The following DOT1L variants were observed in gnomAD, a reference collection of about 807,000 sequenced individuals.
The protein encoded by DOT1L is histone-lysine N-methyltransferase, H3 lysine-79 specific.
A neutral mutation model predicts 153.3 loss-of-function variants in DOT1L; 33 were observed. The observed-to-expected ratio is 0.22, with a 90% CI of 0.16 to 0.29. DOT1L has a LOEUF of 0.29. Ranked by LOEUF, DOT1L falls within the 10% of genes least tolerant of loss-of-function variation. The probability of loss-of-function intolerance (pLI) is 1.00; values close to 1 mark genes in which losing one functional copy is unlikely to be tolerated. For missense variants in DOT1L, 1,847 were observed against 2,119.9 expected (o/e 0.87, Z 2.53); for synonymous variants, 1,135 against 965.1 (o/e 1.18, Z -3.26).
At chr19:2,186,909 C>T (rs1431044375) in intron 3 of DOT1L, among the ~76,000 whole-genome samples, 5 of 152,212 alleles carry the variant, frequency 3.3e-5, no homozygotes, top group African/African-American at 1.2e-4. Context: ...ATGCAGCGTG[C>T]AGATCAACAG....
At chr19:2,196,000 C>T (rs953986616) in intron 7 of DOT1L, among the ~76,000 whole-genome samples, 8 of 152,226 alleles carry the variant, frequency 5.3e-5, no homozygotes, top group African/African-American at 1.7e-4. Flanking sequence ...GCTGTGTGCC[C>T]GCCCGTCTGC....
rs1230704457 is a variant in DOT1L at position 2,222,212 on chromosome 19, G to T, written c.3043G>T (p.Ala1015Ser). Residue 1015 changes from alanine to serine, a missense_variant, in exon 24 of 28, where the codon GCC becomes TCC. Physicochemically the swap from Ala to Ser is moderately conservative, Grantham distance 99. Around this residue, in one of 8 missense-constraint regions of DOT1L, gnomAD observed 934 missense variants for 825.3 expected, o/e 1.13. Coordinates refer to ENST00000398665, the MANE Select transcript of DOT1L (RefSeq NM_032482.3). This position sits in a 1 kb window ranked among gnomAD's most constrained non-coding sequence, Gnocchi z 6.5. ...QLSSSPRLGG[A>S]AQGPLPEASK... ...CTCCTCCAGTCCCCGGCTTGGTGGG[G>T]CCGCCCAGGGCCCGTTGCCCGAGGC... The T allele has an allele frequency of 1.2e-6, 2 of 1,612,934 alleles. No homozygotes were observed. Among genetic ancestry groups the T allele is most frequent in the African/African-American group, 1.3e-5 (1 of 74,928 alleles).
Position 2,217,961 on chromosome 19 carries a change from G to A in DOT1L, c.2691+43G>A, listed in dbSNP as rs147661279. The stretch of plus-strand genomic sequence containing the variant: ...GGCTGTCCCCAAGGGCCACGTTGAG[G>A]CAAAACAGTCTGGGGTGCTCGAGAC... On this transcript the variant is annotated intron_variant, in intron 22 of 27. Transcript: ENST00000398665. This position sits in a 1 kb window ranked among gnomAD's most constrained non-coding sequence, Gnocchi z 7.3. The A allele has an allele frequency of 3.5e-4, 556 of 1,599,366 alleles. 3 individuals are homozygous for A. The African/African-American group carries it at 5.8e-3, about 17-fold the overall frequency.
chr19:2,227,137 G>A lies in DOT1L; in HGVS notation c.4606+10G>A. 6.4e-7 allele frequency: 1 copy of A among 1,555,036 alleles called. No homozygotes were observed. The highest frequency in any genetic ancestry group is 1.2e-5 in the South Asian group (1 of 85,150). On this transcript the variant is annotated intron_variant, in intron 27 of 27. Coordinates refer to ENST00000398665, the MANE Select transcript of DOT1L (RefSeq NM_032482.3). ...GGCGGCACAGTTGGAGGTAGGCAGG[G>A]CGGCCGTCCGTCCGCCCCCCGCCCC...
intron 16 of DOT1L, chr19:2,212,133 C>T (rs969142859): frequency 9.0e-6 from 3 of 334,844 alleles, no homozygotes; most frequent in South Asian, 4.0e-5. Context: ...TGCACAGGTC[C>T]CTCCCCCGGT....
intron 12 of DOT1L, among the ~76,000 whole-genome samples, chr19:2,209,556 G>A (rs2023633896): frequency 1.3e-5 from 2 of 152,128 alleles, no homozygotes; most frequent in African/African-American, 4.8e-5. Flanking sequence ...GCGCTGCACC[G>A]TCGGAGGCAG....
intron 27 of DOT1L, chr19:2,229,219 G>A (rs2024495633): frequency 7.1e-6 from 7 of 985,368 alleles, no homozygotes; most frequent in Non-Finnish European, 7.2e-6. Context: ...AGGCTGTGGA[G>A]ACTGTGGCCG....
chr19:2,216,151 C>G (rs1178425454), intron 19 of DOT1L, 130 bp from the exon 20 acceptor site: 5 of 1,365,424 alleles, frequency 3.7e-6, no homozygotes, highest in South Asian at 1.5e-5. Context: ...TGGTCGGCAG[C>G]TTTGGTTTTT....
In DOT1L at chr19:2,222,859, A is replaced by T. The variant is rs1390399710; in HGVS notation, c.3390+300A>T. Reference sequence around the variant, plus strand: ...AGATCGGCCACTGCCTGGGCCACAGAGCGAGACTCCCTCTCGGGGGGACAA... The same window carrying T: ...AGATCGGCCACTGCCTGGGCCACAGTGCGAGACTCCCTCTCGGGGGGACAA... On this transcript the variant is annotated intron_variant, in intron 24 of 27. Coordinates refer to ENST00000398665, the MANE Select transcript of DOT1L (RefSeq NM_032482.3). The surrounding 1 kb of genome is among the most constrained non-coding windows in gnomAD (Gnocchi z 6.5). The T allele has an allele frequency of 9.6e-6, 4 of 416,882 alleles. No homozygotes were observed. The East Asian group carries it at 1.2e-4, about 12-fold the overall frequency. 25.8% of individuals were successfully genotyped at this position (416,882 alleles called of 1,614,324 possible). A position where few individuals can be genotyped will look rare whatever the true frequency, so the allele number is the denominator to read the frequency against.
At chr19:2,219,999 G>T (rs996711131) in intron 22 of DOT1L, 109 bp from the exon 23 acceptor site, 4 of 981,120 alleles carry the variant, frequency 4.1e-6, no homozygotes, top group Admixed American at 5.2e-5. Context: ...CGGTGACCCC[G>T]GCGGCCTCCC....
At chr19:2,189,674 C>G in intron 3 of DOT1L, 58 bp from the exon 4 acceptor site, 2 of 1,586,780 alleles carry the variant, frequency 1.3e-6, no homozygotes, top group Non-Finnish European at 1.7e-6. Context: ...GCTGTCCCCT[C>G]CCATGCATGC....
chr19:2,165,394 G>A (rs112935933), intron 1 of DOT1L, among the ~76,000 whole-genome samples: 20 of 152,352 alleles, frequency 1.3e-4, no homozygotes, highest in African/African-American at 4.6e-4. Flanking sequence ...GTCGGTGCGA[G>A]TGGATGGGAG....
intron 10 of DOT1L, 94 bp downstream of exon 10, chr19:2,206,891 C>A: frequency 1.5e-6 from 2 of 1,299,420 alleles, no homozygotes; most frequent in Non-Finnish European, 2.2e-6. Flanking sequence ...ACCCTGTGGA[C>A]ACTGGGGCTG....
chr19:2,178,049 A>G (rs2022034551), intron 1 of DOT1L, among the ~76,000 whole-genome samples: 1 of 150,938 alleles, frequency 6.6e-6, no homozygotes, highest in African/African-American at 2.4e-5. Context: ...CAGCCTCCTG[A>G]GTAGCTGGGA....
At chr19:2,186,962 A>G (rs1448704678) in intron 3 of DOT1L, among the ~76,000 whole-genome samples, 8 of 152,228 alleles carry the variant, frequency 5.3e-5, no homozygotes, top group African/African-American at 7.2e-5. Context: ...AGGGCCCTGC[A>G]CAGAGCTCTG....
At position 2,210,868 on chromosome 19, in the gene DOT1L, C is replaced by T; in HGVS notation, c.1351+13C>T. On this transcript the variant is annotated intron_variant, in intron 14 of 27. Transcript: ENST00000398665. ...TCCTCACCCCAGGGTGAGCCGCCCC[C>T]ACGCCACGGCCCCCGCTCTCCCCGA... The T allele has an allele frequency of 6.2e-7, 1 of 1,610,598 alleles. No homozygotes were observed. Among genetic ancestry groups the T allele is most frequent in the Non-Finnish European group, 8.5e-7 (1 of 1,178,968 alleles).
At chr19:2,228,120 T>A (rs747954151) in intron 27 of DOT1L, 2 of 1,362,106 alleles carry the variant, frequency 1.5e-6, no homozygotes, top group Non-Finnish European at 2.0e-6. Context: ...CTCTGCTGCC[T>A]CTCTGCCGCC....
intron 1 of DOT1L, among the ~76,000 whole-genome samples, chr19:2,170,279 G>A (rs1280268671): frequency 6.6e-6 from 1 of 152,196 alleles, no homozygotes; most frequent in Non-Finnish European, 1.5e-5. Context: ...ACAGATAGAT[G>A]CCTTTCCACG....
intron 3 of DOT1L, among the ~76,000 whole-genome samples, chr19:2,187,651 C>T (rs534961257): frequency 1.4e-4 from 21 of 152,154 alleles, no homozygotes; most frequent in African/African-American, 4.1e-4. Flanking sequence ...GGCTGGGCAC[C>T]GTGGCTCACA....
Sources: gnomAD v4.1 joint callset for allele counts (sites outside exome capture counted in the v4.1 genomes callset) on GRCh38, gnomAD v4.1.1 for gene constraint, gnomAD v4.1.1 regional missense constraint, Gnocchi (gnomAD v3.1) non-coding constraint, MANE v1.5 for transcripts, NCBI Gene and HGNC (gene_info 2026-07-23, HGNC 2026-07-21) for gene names.